The following UTRN variants were observed in gnomAD, a reference collection of about 807,000 sequenced individuals.
UTRN encodes dystrophin-related protein 1.
A neutral mutation model predicts 463.9 loss-of-function variants in UTRN; 283 were observed. The ratio of observed to expected loss-of-function variants is 0.61; its 90% CI spans 0.55 to 0.67. The LOEUF is 0.67. Ranked by LOEUF, UTRN falls within the 30% of genes least tolerant of loss-of-function variation. UTRN has a pLI of 0.00. For synonymous variants in UTRN, 1,442 were observed against 1,431.5 expected (o/e 1.01, Z -0.17); for missense variants, 3,922 against 4,084.3 (o/e 0.96, Z 1.08).
rs117439205 is a variant in UTRN at position 144,571,439 on chromosome 6, G to A, written c.7290-5660G>A. Among the ~76,000 whole-genome samples, 576 of 152,194 alleles carry A rather than the reference G, an allele frequency of 3.8e-3. 2 individuals are homozygous for A. Among genetic ancestry groups the A allele is most frequent in the Middle Eastern group, 6.8e-3 (2 of 294 alleles). ...TCGACTCACTGCAGTCCCCTTCCTA[G>A]AGGCAACTATTCTCCTTACCTTCTT... On this transcript the variant is annotated intron_variant, in intron 50 of 74. Transcript: ENST00000367545.
chr6:144,324,679 T>G (rs2114591594), intron 2 of UTRN, among the ~76,000 whole-genome samples: 1 of 152,338 alleles, frequency 6.6e-6, no homozygotes, highest in Admixed American at 6.5e-5. Flanking sequence ...AGAGCAGAAC[T>G]TACAGTTAAA....
chr6:144,485,324 G>C (rs1792326894), intron 27 of UTRN, 61 bp from the exon 28 acceptor site: 1 of 1,600,998 alleles, frequency 6.2e-7, no homozygotes. Flanking sequence ...AGAATGTGTA[G>C]TACTAGAGAT....
At chr6:144,330,807 A>T (rs933299943) in intron 2 of UTRN, 2 of 985,206 alleles carry the variant, frequency 2.0e-6, no homozygotes, top group African/African-American at 3.5e-5. Flanking sequence ...GAACTCATCT[A>T]TCCACGGTTC....
intron 3 of UTRN, among the ~76,000 whole-genome samples, chr6:144,417,682 T>C (rs1784470060): frequency 6.6e-6 from 1 of 152,214 alleles, no homozygotes; most frequent in African/African-American, 2.4e-5. Flanking sequence ...GTGGGAATTA[T>C]GTGAAATTCA....
chr6:144,501,207 G>T (rs1794145303), intron 34 of UTRN, among the ~76,000 whole-genome samples: 1 of 152,178 alleles, frequency 6.6e-6, no homozygotes, highest in Admixed American at 6.5e-5. Flanking sequence ...ATGTATGAGG[G>T]AAATGAGCAT....
In UTRN at chr6:144,557,301, C is replaced by T. The variant is rs1327405626; in HGVS notation, c.7279C>T (p.Leu2427Phe). 1 of 1,612,938 alleles carries T rather than the reference C, an allele frequency of 6.2e-7. No individual in the cohort carries two copies. The highest frequency in any genetic ancestry group is 1.1e-5 in the South Asian group (1 of 90,930). ...TEYLKTSWIN[L>F]KQSIADRQNA... ...GTACTTAAAAACATCATGGATCAAT[C>T]TCAAACAAAGGTAAGTCTAAGGCCC... The change falls in exon 50 of 75, where the codon CTC becomes TTC. Residue 2427 changes from leucine to phenylalanine, a missense_variant. Around this residue, in one of 3 missense-constraint regions of UTRN, gnomAD observed 1,309 missense variants for 1,452.6 expected, o/e 0.90. Coordinates refer to ENST00000367545, the MANE Select transcript of UTRN (RefSeq NM_007124.3).
intron 53 of UTRN, among the ~76,000 whole-genome samples, chr6:144,702,629 A>G (rs1784707237): frequency 6.6e-6 from 1 of 152,156 alleles, no homozygotes; most frequent in South Asian, 2.1e-4. Context: ...TTATATGGAG[A>G]AGGTCAGGAA....
At chr6:144,850,861 A>T (rs575612800) in intron 74 of UTRN, 128 bp from the exon 75 acceptor site, 1 of 1,284,842 alleles carries the variant, frequency 7.8e-7, no homozygotes, top group African/African-American at 1.5e-5. Context: ...TCATTGCAGG[A>T]AGCAAAAGTC....
chr6:144,770,660 A>C (rs1299859755), intron 58 of UTRN, among the ~76,000 whole-genome samples: 1 of 152,194 alleles, frequency 6.6e-6, no homozygotes, highest in Non-Finnish European at 1.5e-5. Flanking sequence ...TTTAACCTCA[A>C]TTTATTACCC....
At chr6:144,460,333 T>G (rs1019367520) in intron 21 of UTRN, among the ~76,000 whole-genome samples, 4 of 152,252 alleles carry the variant, frequency 2.6e-5, no homozygotes, top group Admixed American at 6.5e-5. Context: ...TGCATTATTT[T>G]GTGAAATGCA....
At chr6:144,391,917 G>A (rs1400500505) in intron 2 of UTRN, among the ~76,000 whole-genome samples, 8 of 152,354 alleles carry the variant, frequency 5.3e-5, no homozygotes, top group South Asian at 4.1e-4. Context: ...TGGGATTACA[G>A]GCGTGAGCCA....
Position 144,566,764 on chromosome 6 carries a change from G to C in UTRN, c.7289+9453G>C, listed in dbSNP as rs556380050. Among the ~76,000 whole-genome samples, 4 of 152,136 alleles carry C rather than the reference G, an allele frequency of 2.6e-5. No individual in the cohort carries two copies. In the East Asian group the frequency reaches 7.7e-4, roughly 29 times the overall value. On this transcript the variant is annotated intron_variant, in intron 50 of 74. Transcript: ENST00000367545. ...GAAGATGGGTGAACAATAACCTGGAGGTAGCAGTGGGGAGCAGGGAGGACC... is the reference window on the plus strand; with the variant it reads ...GAAGATGGGTGAACAATAACCTGGACGTAGCAGTGGGGAGCAGGGAGGACC...
intron 51 of UTRN, among the ~76,000 whole-genome samples, chr6:144,656,854 A>C (rs1779362209): frequency 6.6e-6 from 1 of 152,196 alleles, no homozygotes; most frequent in African/African-American, 2.4e-5. Flanking sequence ...CTGTGATTAA[A>C]ATTAGTTAAG....
At chr6:144,641,720 A>T (rs546950525) in intron 51 of UTRN, among the ~76,000 whole-genome samples, 24 of 152,300 alleles carry the variant, frequency 1.6e-4, no homozygotes, top group Admixed American at 3.3e-4. Context: ...AGATACCAAA[A>T]TGCTACTTTT....
intron 51 of UTRN, among the ~76,000 whole-genome samples, chr6:144,582,261 C>T (rs946836983): frequency 6.6e-6 from 1 of 152,152 alleles, no homozygotes; most frequent in Non-Finnish European, 1.5e-5. Flanking sequence ...CAACATTAGA[C>T]AGAGGTGAAA....
intron 35 of UTRN, among the ~76,000 whole-genome samples, chr6:144,512,136 A>G (rs1160661269): frequency 6.6e-6 from 1 of 152,188 alleles, no homozygotes. Context: ...TTAAATTTCC[A>G]TATATACAGA....
chr6:144,816,245 A>G (rs151042770), intron 65 of UTRN, among the ~76,000 whole-genome samples: 3 of 152,340 alleles, frequency 2.0e-5, no homozygotes, highest in Admixed American at 6.5e-5. Context: ...AGGGACCTGT[A>G]AATTAAAAGT....
At chr6:144,758,293 C>A in intron 58 of UTRN, 1 of 195,158 alleles carries the variant, frequency 5.1e-6, no homozygotes, top group Non-Finnish European at 9.6e-6. Context: ...AAGCAAGATC[C>A]AGTCTCTAAA....
intron 2 of UTRN, among the ~76,000 whole-genome samples, chr6:144,342,092 G>T (rs1777177433): frequency 6.6e-6 from 1 of 152,016 alleles, no homozygotes; most frequent in Admixed American, 6.6e-5. Context: ...ATAAAAGATG[G>T]GTTTCGATAG....
Sources: gnomAD v4.1 joint callset for allele counts (sites outside exome capture counted in the v4.1 genomes callset) on GRCh38, gnomAD v4.1.1 for gene constraint, gnomAD v4.1.1 regional missense constraint, MANE v1.5 for transcripts, NCBI Gene and HGNC (gene_info 2026-07-23, HGNC 2026-07-21) for gene names.